Variants in ANTXR1 observed in about 807,000 individuals in gnomAD.
ANTXR1 encodes the protein ANTXR cell adhesion molecule 1.
ANTXR1 carries 19 observed loss-of-function variants against 78.1 expected under a neutral mutation model. That is an observed-to-expected ratio of 0.24 (90% confidence interval 0.17 to 0.36). ANTXR1 has a LOEUF of 0.36. Ranked by LOEUF, ANTXR1 falls within the 10% of genes least tolerant of loss-of-function variation. The pLI, the probability that ANTXR1 is intolerant of heterozygous loss-of-function variation, is 1.00. For missense variants in ANTXR1, 518 were observed against 718.6 expected, an observed-to-expected ratio of 0.72 and a Z score of 3.19; for synonymous variants, 273 against 260.5, an observed-to-expected ratio of 1.05 and a Z score of -0.46.
At chr2:69,068,783 C>T (rs1313358624) in intron 3 of ANTXR1, among the ~76,000 whole-genome samples, 1 of 152,168 alleles carries the variant, frequency 6.6e-6, no homozygotes, top group Non-Finnish European at 1.5e-5. Context: ...GGCAAGAGGC[C>T]ATTCAAAAGA....
chr2:69,107,343 G>A (rs1263227011), intron 10 of ANTXR1, among the ~76,000 whole-genome samples: 2 of 152,006 alleles, frequency 1.3e-5, no homozygotes, highest in Admixed American at 6.6e-5. Flanking sequence ...AGGCTCAAGC[G>A]ATCCTCCCAC....
intron 7 of ANTXR1, among the ~76,000 whole-genome samples, chr2:69,076,091 GC>G (rs1670723010): frequency 6.6e-6 from 1 of 152,080 alleles, no homozygotes; most frequent in African/African-American, 2.4e-5. Context: ...GTATACAGGT[GC>G]ACATCCTGAA....
intron 3 of ANTXR1, among the ~76,000 whole-genome samples, chr2:69,070,417 G>C (rs1670531719): frequency 6.6e-6 from 1 of 152,188 alleles, no homozygotes; most frequent in Non-Finnish European, 1.5e-5. Flanking sequence ...CAAGCAGATG[G>C]AGAGTCCTGC....
intron 3 of ANTXR1, among the ~76,000 whole-genome samples, chr2:69,045,671 A>G (rs1399365037): frequency 6.6e-6 from 1 of 152,190 alleles, no homozygotes; most frequent in Non-Finnish European, 1.5e-5. Flanking sequence ...AGGACAGAGT[A>G]AAATTTTCTA....
chr2:69,023,366 G>A (rs1273926535), intron 1 of ANTXR1, among the ~76,000 whole-genome samples: 1 of 152,008 alleles, frequency 6.6e-6, no homozygotes, highest in Non-Finnish European at 1.5e-5. Flanking sequence ...AATGTTGATA[G>A]TTGTGATGAA....
At chr2:69,135,918 G>A (rs1020920487) in intron 12 of ANTXR1, among the ~76,000 whole-genome samples, 1 of 152,048 alleles carries the variant, frequency 6.6e-6, no homozygotes, top group Non-Finnish European at 1.5e-5. Context: ...TCAAAATAGG[G>A]TCCAAAGTTT....
intron 13 of ANTXR1, among the ~76,000 whole-genome samples, chr2:69,164,137 A>G (rs975755480): frequency 1.3e-5 from 2 of 152,194 alleles, no homozygotes; most frequent in African/African-American, 4.8e-5. Flanking sequence ...TGGAGTCTAT[A>G]ATCACAGGGC....
At chr2:69,166,708 C>T (rs1673835759) in intron 13 of ANTXR1, among the ~76,000 whole-genome samples, 1 of 152,230 alleles carries the variant, frequency 6.6e-6, no homozygotes, top group Admixed American at 6.5e-5. Context: ...CTTTGTCCCT[C>T]CTAATGAGGA....
intron 10 of ANTXR1, chr2:69,103,202 A>G (rs1671684136): frequency 1.6e-5 from 8 of 492,480 alleles, no homozygotes; most frequent in South Asian, 1.6e-4. Context: ...TCCACAAAAC[A>G]CAGAGCCACA....
At chr2:69,181,325 G>A (rs1009700336) in intron 14 of ANTXR1, among the ~76,000 whole-genome samples, 6 of 152,212 alleles carry the variant, frequency 3.9e-5, no homozygotes, top group African/African-American at 1.4e-4. Flanking sequence ...GAGAGAGGCA[G>A]TGGGGAAGAC....
chr2:69,071,612 A>G (rs1558514816), intron 4 of ANTXR1, 142 bp from the exon 5 acceptor site: 2 of 813,166 alleles, frequency 2.5e-6, no homozygotes, highest in African/African-American at 3.4e-5. Context: ...GCCACTGATA[A>G]TTGAGCAAAG....
chr2:69,139,007 T>A (rs1448502705), intron 12 of ANTXR1, among the ~76,000 whole-genome samples: 1 of 152,236 alleles, frequency 6.6e-6, no homozygotes, highest in African/African-American at 2.4e-5. Flanking sequence ...ATGCTCCTTA[T>A]GATGGAGCTT....
intron 6 of ANTXR1, among the ~76,000 whole-genome samples, chr2:69,075,142 T>C (rs1346993382): frequency 6.6e-6 from 1 of 152,222 alleles, no homozygotes; most frequent in Non-Finnish European, 1.5e-5. Flanking sequence ...GTAAATGTTC[T>C]CATTTAATCC....
intron 17 of ANTXR1, among the ~76,000 whole-genome samples, chr2:69,232,738 C>CA (rs1292394739): frequency 6.6e-6 from 1 of 151,826 alleles, no homozygotes; most frequent in African/African-American, 2.4e-5. Context: ...TAATATGAAA[C>CA]AAATCTACAG....
At chr2:69,214,120 G>A (rs572438789) in intron 17 of ANTXR1, among the ~76,000 whole-genome samples, 1 of 152,250 alleles carries the variant, frequency 6.6e-6, no homozygotes, top group African/African-American at 2.4e-5. Context: ...GTGAGAACCT[G>A]AACATCCATA....
At chr2:69,068,169 A>T (rs1670458515) in intron 3 of ANTXR1, among the ~76,000 whole-genome samples, 1 of 152,190 alleles carries the variant, frequency 6.6e-6, no homozygotes, top group African/African-American at 2.4e-5. Context: ...ATTTGTTGAA[A>T]GTCTATTATG....
Position 69,113,031 on chromosome 2 carries a change from G to A in ANTXR1, c.803-9986G>A, listed in dbSNP as rs73934685. Among the ~76,000 whole-genome samples the A allele has an allele frequency of 7.0e-3, 1,065 of 152,220 alleles. 14 individuals are homozygous for A. The highest frequency in any genetic ancestry group is 0.024 in the African/African-American group (1,014 of 41,494). ...CCAAAGTTAGCTGCACCAGTCCCTG[G>A]TGGACAGTCATCCTTGATGTTTCCC... On this transcript the variant is annotated intron_variant, in intron 10 of 17. Transcript: ENST00000303714.
chr2:69,084,278 T>C (rs1419712761), intron 8 of ANTXR1, among the ~76,000 whole-genome samples: 2 of 152,224 alleles, frequency 1.3e-5, no homozygotes, highest in African/African-American at 2.4e-5. Context: ...GAAAGTGGTT[T>C]AGTGGGGAAA....
chr2:69,051,186 G>A (rs1469594976), intron 3 of ANTXR1, among the ~76,000 whole-genome samples: 4 of 151,872 alleles, frequency 2.6e-5, no homozygotes, highest in South Asian at 4.2e-4. Context: ...CTTGGGAGGC[G>A]AGAATTTCTT....
Sources: gnomAD v4.1 joint callset for allele counts (sites outside exome capture counted in the v4.1 genomes callset) on GRCh38, gnomAD v4.1.1 for gene constraint, MANE v1.5 for transcripts, NCBI Gene and HGNC (gene_info 2026-07-23, HGNC 2026-07-21) for gene names.